RBFOX1: variants seen among roughly 807,000 people sequenced by gnomAD.
RBFOX1 encodes the protein RNA binding protein fox-1 homolog 1.
A neutral mutation model predicts 57.7 loss-of-function variants in RBFOX1; 8 were observed. The ratio of observed to expected loss-of-function variants is 0.14; its 90% CI spans 0.08 to 0.25. The LOEUF (loss-of-function observed/expected upper bound fraction) is 0.25. Ranked by LOEUF, RBFOX1 falls within the 10% of genes least tolerant of loss-of-function variation. RBFOX1 has a pLI of 1.00. For synonymous variants in RBFOX1, 326 were observed against 222.4 expected, an observed-to-expected ratio of 1.47 and a Z score of -4.15; for missense variants, 611 against 548.5, an observed-to-expected ratio of 1.11 and a Z score of -1.14.
chr16:7,561,982 G>T (rs1348788554), intron 5 of RBFOX1, among the ~76,000 whole-genome samples: 1 of 151,986 alleles, frequency 6.6e-6, no homozygotes, highest in African/African-American at 2.4e-5. Context: ...AGTGGGACAG[G>T]TAATTAAAGA....
At chr16:5,408,118 C>T (rs2066914072) in intron 1 of RBFOX1, among the ~76,000 whole-genome samples, 1 of 152,172 alleles carries the variant, frequency 6.6e-6, no homozygotes, top group African/African-American at 2.4e-5. Context: ...CGTTCCTCCT[C>T]CTGTCCAGTT....
chr16:7,125,827 A>G (rs1478896549), intron 4 of RBFOX1, among the ~76,000 whole-genome samples: 1 of 152,194 alleles, frequency 6.6e-6, no homozygotes, highest in Non-Finnish European at 1.5e-5. Context: ...TCACACCTGT[A>G]ATCCCAGCAC....
chr16:7,563,039 A>T (rs573419191), intron 5 of RBFOX1, among the ~76,000 whole-genome samples: 112 of 152,324 alleles, frequency 7.4e-4, no homozygotes, highest in African/African-American at 2.6e-3. Context: ...ACTGCCTCCC[A>T]TGTAGGGACT....
chr16:6,550,816 G>A (rs1051088343), intron 2 of RBFOX1, among the ~76,000 whole-genome samples: 6 of 152,020 alleles, frequency 3.9e-5, no homozygotes, highest in East Asian at 1.9e-4. Context: ...TTCTTGCTTC[G>A]GCACTTCACA....
At chr16:6,475,696 C>A (rs1274348375) in intron 2 of RBFOX1, among the ~76,000 whole-genome samples, 1 of 152,172 alleles carries the variant, frequency 6.6e-6, no homozygotes, top group South Asian at 2.1e-4. Flanking sequence ...TCCTAGTGTT[C>A]TAATCCTGCA....
intron 1 of RBFOX1, among the ~76,000 whole-genome samples, chr16:6,135,744 G>A (rs1291973765): frequency 6.7e-6 from 1 of 149,790 alleles, no homozygotes; most frequent in Non-Finnish European, 1.5e-5. Context: ...AAGTGTGGCT[G>A]AAGGTGGCAG....
chr16:7,439,902 C>T (rs1180830158), intron 4 of RBFOX1, among the ~76,000 whole-genome samples: 2 of 150,610 alleles, frequency 1.3e-5, no homozygotes, highest in African/African-American at 4.9e-5. Context: ...TATTAGCAGT[C>T]AAGGCTCCAG....
chr16:7,401,499 T>TCAAACAGATAGACCCTCAAAC (rs1568647880), intron 4 of RBFOX1, among the ~76,000 whole-genome samples: 1 of 152,112 alleles, frequency 6.6e-6, no homozygotes, highest in East Asian at 1.9e-4. Context: ...TCAAACAGAT[T>TCAAACAGATAGACCCTCAAAC]AGGTAGGTAA....
chr16:7,577,490 C>G (rs2093429323), intron 5 of RBFOX1, among the ~76,000 whole-genome samples: 3 of 152,240 alleles, frequency 2.0e-5, no homozygotes, highest in African/African-American at 7.2e-5. Flanking sequence ...TTCTCTTAGA[C>G]ATCTCCCACT....
At chr16:6,889,475 A>C (rs149409738) in intron 3 of RBFOX1, among the ~76,000 whole-genome samples, 5 of 152,334 alleles carry the variant, frequency 3.3e-5, no homozygotes, top group African/African-American at 9.6e-5. Flanking sequence ...GGCTTTTAGC[A>C]AGTGGGAAAA....
At chr16:5,494,819 A>G (rs2042948343) in intron 2 of RBFOX1, among the ~76,000 whole-genome samples, 1 of 152,236 alleles carries the variant, frequency 6.6e-6, no homozygotes, top group Non-Finnish European at 1.5e-5. Flanking sequence ...CTCAGAGATG[A>G]AAATGATCAC....
At chr16:7,270,782 A>T (rs1025630287) in intron 4 of RBFOX1, among the ~76,000 whole-genome samples, 1 of 152,266 alleles carries the variant, frequency 6.6e-6, no homozygotes, top group East Asian at 1.9e-4. Flanking sequence ...TTAGCTGGCT[A>T]GCTCTCTTCT....
chr16:6,234,513 G>C (rs1170742530), intron 1 of RBFOX1, among the ~76,000 whole-genome samples: 2 of 152,180 alleles, frequency 1.3e-5, no homozygotes, highest in Non-Finnish European at 2.9e-5. Context: ...GAATGGATAA[G>C]AGACAGTAGA....
intron 14 of RBFOX1, among the ~76,000 whole-genome samples, chr16:7,685,277 C>A (rs963457624): frequency 6.6e-6 from 1 of 152,238 alleles, no homozygotes; most frequent in African/African-American, 2.4e-5. Context: ...AAATTATTGA[C>A]TTTTATTACC....
At chr16:6,811,668 T>G (rs1376921906) in intron 3 of RBFOX1, among the ~76,000 whole-genome samples, 2 of 152,132 alleles carry the variant, frequency 1.3e-5, no homozygotes, top group Non-Finnish European at 2.9e-5. Flanking sequence ...GGCGGGTAGA[T>G]CATCTGAAGT....
chr16:7,279,750 G>A (rs2095505824), intron 4 of RBFOX1, among the ~76,000 whole-genome samples: 1 of 152,194 alleles, frequency 6.6e-6, no homozygotes, highest in African/African-American at 2.4e-5. Context: ...CTGAATGAGT[G>A]CTTCTCTGGA....
chr16:5,967,541 T>C (rs1032352988), intron 4 of RBFOX1, among the ~76,000 whole-genome samples: 1 of 152,202 alleles, frequency 6.6e-6, no homozygotes, highest in Non-Finnish European at 1.5e-5. Context: ...ATCGTTTCTA[T>C]GCCTTTATAG....
intron 4 of RBFOX1, among the ~76,000 whole-genome samples, chr16:7,504,622 A>T (rs2072157374): frequency 6.9e-6 from 1 of 145,016 alleles, no homozygotes; most frequent in Non-Finnish European, 1.5e-5. Context: ...GCACTTATTC[A>T]CTTCAAGACT....
At chr16:6,638,461 C>T (rs943108236) in intron 2 of RBFOX1, among the ~76,000 whole-genome samples, 8 of 152,136 alleles carry the variant, frequency 5.3e-5, no homozygotes, top group African/African-American at 1.4e-4. Flanking sequence ...TCAAGGGCCA[C>T]GCATTGAGAC....
Sources: allele counts gnomAD v4.1 joint callset (sites outside exome capture counted in the v4.1 genomes callset), GRCh38; gene constraint gnomAD v4.1.1; transcripts MANE v1.5; gene names NCBI Gene and HGNC (gene_info 2026-07-23, HGNC 2026-07-21).